Variants in FAM13A observed in about 807,000 individuals in gnomAD.
The protein encoded by FAM13A is family with sequence similarity 13 member A.
Under a neutral mutation model 129.6 loss-of-function variants are expected in FAM13A, and 76 were observed. The observed-to-expected ratio is 0.59, with a 90% confidence interval of 0.49 to 0.71. The LOEUF is 0.71. Among genes scored for constraint, FAM13A ranks in the 30% least tolerant of loss-of-function variants. FAM13A has a pLI of 0.00. For missense variants in FAM13A, 1,108 were observed against 1,249.3 expected (o/e 0.89, Z 1.70); for synonymous variants, 443 against 449.9 (o/e 0.98, Z 0.20).
At chr4:88,910,021 A>C (rs574871269) in intron 5 of FAM13A, among the ~76,000 whole-genome samples, 1 of 152,240 alleles carries the variant, frequency 6.6e-6, no homozygotes, top group East Asian at 1.9e-4. Context: ...TTTTAGAAAA[A>C]GTTTGGAGGG....
intron 11 of FAM13A, among the ~76,000 whole-genome samples, chr4:88,772,472 G>A (rs900880231): frequency 1.3e-5 from 2 of 152,174 alleles, no homozygotes; most frequent in African/African-American, 2.4e-5. Flanking sequence ...CCTCTCTCGT[G>A]ATCTGGTACA....
intron 3 of FAM13A, among the ~76,000 whole-genome samples, chr4:89,003,003 T>C (rs754243610): frequency 5.3e-5 from 8 of 151,948 alleles, no homozygotes; most frequent in Non-Finnish European, 8.8e-5. Context: ...GAAACTATAA[T>C]ATAGGAAGGA....
chr4:88,919,917 G>A (rs990132074), intron 5 of FAM13A, among the ~76,000 whole-genome samples: 2 of 152,238 alleles, frequency 1.3e-5, no homozygotes, highest in Admixed American at 6.5e-5. Flanking sequence ...GGCTCGGAGG[G>A]TCCTACGCCC....
intron 1 of FAM13A, among the ~76,000 whole-genome samples, chr4:89,032,622 T>C (rs1037204684): frequency 5.9e-5 from 9 of 152,194 alleles, no homozygotes; most frequent in African/African-American, 2.2e-4. Flanking sequence ...CTGGTGACCT[T>C]GTTGATGCTT....
chr4:88,781,841 G>T (rs9992067), intron 10 of FAM13A, among the ~76,000 whole-genome samples: 106,719 of 148,748 alleles, frequency 0.72, 38,706 homozygotes, highest in Middle Eastern at 0.78. Flanking sequence ...AGACTGTTGT[G>T]GGGTGGGGGG....
intron 3 of FAM13A, among the ~76,000 whole-genome samples, chr4:89,005,388 T>C (rs1490106742): frequency 6.6e-6 from 1 of 152,196 alleles, no homozygotes; most frequent in African/African-American, 2.4e-5. Flanking sequence ...CACATGCATG[T>C]GTCTTTATGG....
intron 6 of FAM13A, among the ~76,000 whole-genome samples, chr4:88,862,652 A>G (rs750177005): frequency 6.6e-6 from 1 of 152,230 alleles, no homozygotes; most frequent in African/African-American, 2.4e-5. Flanking sequence ...TTCATCTTCT[A>G]ACTTTGATGC....
intron 6 of FAM13A, among the ~76,000 whole-genome samples, chr4:88,863,881 T>A (rs922395783): frequency 6.6e-6 from 1 of 152,210 alleles, no homozygotes; most frequent in Non-Finnish European, 1.5e-5. Context: ...AGGGTAAGTT[T>A]CCACTTAAAG....
intron 7 of FAM13A, among the ~76,000 whole-genome samples, chr4:88,810,372 G>T (rs921325432): frequency 5.3e-5 from 8 of 152,072 alleles, no homozygotes; most frequent in Non-Finnish European, 1.2e-4. Flanking sequence ...TAGAAACAGG[G>T]TCTTGACAGA....
intron 1 of FAM13A, among the ~76,000 whole-genome samples, chr4:89,050,798 G>C (rs1304977315): frequency 6.6e-6 from 1 of 151,832 alleles, no homozygotes; most frequent in Non-Finnish European, 1.5e-5. Context: ...TGTGGTGGTG[G>C]GTGCCTGTAA....
chr4:88,949,451 A>G (rs1407185710), intron 4 of FAM13A, among the ~76,000 whole-genome samples: 1 of 152,192 alleles, frequency 6.6e-6, no homozygotes, highest in Non-Finnish European at 1.5e-5. Context: ...TGCCAGAAAA[A>G]GAAAAAAAAA....
At chr4:88,870,177 G>A (rs189618118) in intron 6 of FAM13A, among the ~76,000 whole-genome samples, 1 of 152,056 alleles carries the variant, frequency 6.6e-6, no homozygotes, top group Admixed American at 6.5e-5. Flanking sequence ...CAAGATGGCT[G>A]AATAGGAACA....
chr4:88,881,990 T>C (rs1387460695), intron 6 of FAM13A, among the ~76,000 whole-genome samples: 1 of 152,066 alleles, frequency 6.6e-6, no homozygotes, highest in Non-Finnish European at 1.5e-5. Flanking sequence ...TTATGTTAAA[T>C]GACCAAACCT....
At chr4:88,944,754 T>C (rs561756552) in intron 4 of FAM13A, among the ~76,000 whole-genome samples, 1 of 151,812 alleles carries the variant, frequency 6.6e-6, no homozygotes, top group Admixed American at 6.6e-5. Context: ...ATACAAAAAA[T>C]TAGCTGGGCA....
chr4:88,996,991 T>G (rs1433836851), intron 3 of FAM13A, among the ~76,000 whole-genome samples: 1 of 152,190 alleles, frequency 6.6e-6, no homozygotes, highest in Non-Finnish European at 1.5e-5. Flanking sequence ...TTTATAGAAT[T>G]TGCTGAGTTG....
At chr4:88,974,832 G>A (rs139420750) in intron 4 of FAM13A, among the ~76,000 whole-genome samples, 21 of 152,270 alleles carry the variant, frequency 1.4e-4, no homozygotes, top group Non-Finnish European at 2.8e-4. Context: ...AGTTAGGTAA[G>A]TTTGAATGAA....
intron 19 of FAM13A, 151 bp downstream of exon 19, chr4:88,746,781 A>G: frequency 1.7e-6 from 1 of 582,692 alleles, no homozygotes; most frequent in Non-Finnish European, 3.1e-6. Context: ...CAGAAAGCTT[A>G]GTTATGGTGT....
At chr4:89,007,169 A>C (rs749778838) in intron 3 of FAM13A, among the ~76,000 whole-genome samples, 5 of 152,144 alleles carry the variant, frequency 3.3e-5, no homozygotes, top group Non-Finnish European at 1.5e-5. Flanking sequence ...ATGCCTACAA[A>C]GTTTGACACA....
chr4:88,917,846 G>GT (rs1750354207), intron 5 of FAM13A, among the ~76,000 whole-genome samples: 1 of 152,176 alleles, frequency 6.6e-6, no homozygotes, highest in African/African-American at 2.4e-5. Context: ...CAATAAAGGT[G>GT]TATCTCTGAT....
Sources: gnomAD v4.1 joint callset for allele counts (sites outside exome capture counted in the v4.1 genomes callset) on GRCh38, gnomAD v4.1.1 for gene constraint, MANE v1.5 for transcripts, NCBI Gene and HGNC (gene_info 2026-07-23, HGNC 2026-07-21) for gene names.